The following EXOSC10 variants were observed in gnomAD, a reference collection of about 807,000 sequenced individuals.
EXOSC10 encodes the protein exosome component 10, also known as exosome complex component 10.
A neutral mutation model predicts 126.6 loss-of-function variants in EXOSC10; 94 were observed. The observed-to-expected ratio is 0.74, with a 90% CI of 0.63 to 0.88. The LOEUF (loss-of-function observed/expected upper bound fraction) is 0.88, where lower values mean the gene tolerates loss of function less well. EXOSC10 is among the 40% of genes least tolerant of loss of function. The pLI, the probability that EXOSC10 is intolerant of heterozygous loss-of-function variation, is 0.00. For synonymous variants in EXOSC10, 395 were observed against 400.8 expected, an observed-to-expected ratio of 0.99 and a Z score of 0.17; for missense variants, 1,041 against 1,100.5, an observed-to-expected ratio of 0.95 and a Z score of 0.77.
intron 10 of EXOSC10, among the ~76,000 whole-genome samples, chr1:11,081,859 G>A (rs1640184069): frequency 6.6e-6 from 1 of 152,016 alleles, no homozygotes; most frequent in South Asian, 2.1e-4. Context: ...GAGGCGGGAG[G>A]ATCACCTGAG....
Position 11,081,117 on chromosome 1 carries a change from C to T in EXOSC10, c.1402G>A (p.Val468Met). Residue 468 changes from valine to methionine, a missense_variant, in exon 11 of 25, where the codon GTG becomes ATG. Physicochemically the swap from Val to Met is conservative, Grantham distance 21 (BLOSUM62 1). This residue lies in a region of EXOSC10 where 645 missense variants were observed against 656.3 expected (regional missense o/e 0.98). Transcript: ENST00000376936. The stretch of plus-strand genomic sequence containing the variant: ...ATGTCCCTGCTCCGTTGCCACACCA[C>T]CTGCAGCTGCACCGGCTGCCCGTTG... ...RGNGQPVQLQ[V>M]VWQRSRDICL... The T allele has an allele frequency of 6.2e-7, 1 of 1,614,224 alleles. No homozygotes were observed. Among genetic ancestry groups the T allele is most frequent in the Non-Finnish European group, 8.5e-7 (1 of 1,180,042 alleles).
intron 15 of EXOSC10, 47 bp downstream of exon 15, chr1:11,077,554 A>C (rs756457029): frequency 1.2e-6 from 2 of 1,612,146 alleles, no homozygotes; most frequent in African/African-American, 1.3e-5. Flanking sequence ...ACTGGCTGTG[A>C]CTTGACGTTT....
In EXOSC10 at chr1:11,087,841, C is replaced by G. The variant is rs767909976; in HGVS notation, c.904G>C (p.Glu302Gln). The change falls in exon 8 of 25, where the codon GAA becomes CAA. Residue 302 changes from glutamate to glutamine, a missense_variant. Physicochemically the swap from Glu to Gln is conservative, Grantham distance 29. Coordinates refer to ENST00000376936, the MANE Select transcript of EXOSC10 (RefSeq NM_001001998.3). ...AATTCCTGACAATTCAAGAGCTTTT[C>G]GTTGAGTTCCACGAGTTCATCCAGG... ...SSLDELVELN[E>Q]KLLNCQEFAV... is the part of the protein sequence containing the mutation. 29 of 1,613,866 alleles carry G rather than the reference C, an allele frequency of 1.8e-5. No individual in the cohort carries two copies. In the East Asian group the frequency reaches 6.5e-4, roughly 36 times the overall value.
chr1:11,084,571 G>A (rs935813428), intron 9 of EXOSC10, among the ~76,000 whole-genome samples: 39 of 152,102 alleles, frequency 2.6e-4, no homozygotes, highest in Admixed American at 9.2e-4. Context: ...CCATTTTGTG[G>A]GTTGCCTGTT....
In EXOSC10 at chr1:11,080,528, CAT is replaced by C; in HGVS notation, c.1606_1607del (p.Met536AspfsTer6). On this transcript the variant is annotated frameshift_variant, in exon 13 of 25. Coordinates refer to ENST00000376936, the MANE Select transcript of EXOSC10 (RefSeq NM_001001998.3). LOFTEE classifies it high-confidence loss of function. ...GCAGTTCTTCAGCTATTTTCAGCATCATGTGGTTTGGCAGTACATATCTGGAA... is the reference window on the plus strand; with the variant it reads ...GCAGTTCTTCAGCTATTTTCAGCATCGTGGTTTGGCAGTACATATCTGGAA... ...ESYGYVLPNHMMLKIAEELPK... is the reference protein window; with the variant it reads ...ESYGYVLPNHXMLKIAEELPK... The C allele has an allele frequency of 5.0e-6, 8 of 1,598,712 alleles. No homozygotes were observed. The highest frequency in any genetic ancestry group is 6.8e-6 in the Non-Finnish European group (8 of 1,169,164).
In EXOSC10 at chr1:11,091,078, AT is replaced by A. The variant is rs1557715843; in HGVS notation, c.578del (p.Asn193IlefsTer70). 6.2e-7 allele frequency: 1 copy of A among 1,614,212 alleles called. No individual in the cohort carries two copies. The highest frequency in any genetic ancestry group is 1.1e-5 in the South Asian group (1 of 91,084). On this transcript the variant is annotated frameshift_variant, in exon 5 of 25. Transcript: ENST00000376936. LOFTEE classifies it high-confidence loss of function. ...TTTTAGGAAGAAATGGTGTGTTGGA[AT>A]TGTCAATCTTCTCTCGAAACTTGAG... ...PQLKFREKID[N>X]SNTPFLPKIF...
rs1349960603 is a variant in EXOSC10, at chr1:11,068,703, T to C, written c.2492A>G (p.Asn831Ser). 3 of 1,613,906 alleles carry C rather than the reference T, an allele frequency of 1.9e-6. No homozygotes were observed. Among genetic ancestry groups the C allele is most frequent in the Non-Finnish European group, 2.5e-6 (3 of 1,179,884 alleles). ...SQSDFKAFAGNSKSKVSSQFD... is the reference protein window; with the variant it reads ...SQSDFKAFAGSSKSKVSSQFD... ...CTGAGAAGAAACTTTGGATTTGCTG[T>C]TTCCTGAAAGGTAAGAGATGAGAGA... The change falls in exon 23 of 25, where the codon AAC (asparagine) becomes AGC (serine). Residue 831 changes from asparagine (N) to serine (S), a missense_variant. Transcript: ENST00000376936.
chr1:11,074,682 G>T (rs1351275603), intron 17 of EXOSC10, among the ~76,000 whole-genome samples: 1 of 152,084 alleles, frequency 6.6e-6, no homozygotes. Context: ...CAAAGTGCTG[G>T]GATTACAGGT....
intron 2 of EXOSC10, among the ~76,000 whole-genome samples, chr1:11,096,346 T>C (rs1641086282): frequency 6.6e-6 from 1 of 152,152 alleles, no homozygotes; most frequent in African/African-American, 2.4e-5. Flanking sequence ...AGATGACGTT[T>C]CACCACGTTG....
At chr1:11,075,466 G>A (rs1639757471) in intron 17 of EXOSC10, among the ~76,000 whole-genome samples, 1 of 152,128 alleles carries the variant, frequency 6.6e-6, no homozygotes, top group Non-Finnish European at 1.5e-5. Flanking sequence ...GGAGACCACA[G>A]CCTCCTTTAC....
At position 11,093,658 on chromosome 1, in the gene EXOSC10, T is replaced by A. The variant is rs747740862; in HGVS notation, c.373-2061A>T. On this transcript the variant is annotated intron_variant, in intron 3 of 24. Coordinates refer to ENST00000376936, the MANE Select transcript of EXOSC10 (RefSeq NM_001001998.3). ...AGTAAGCAAGACAGAATAATACACA[T>A]CTCCTTCCAATCCTGTGAGCTGGAG... is the stretch of plus-strand genomic sequence containing the variant. Among the ~76,000 whole-genome samples the A allele has an allele frequency of 2.0e-5, 3 of 152,122 alleles. No homozygotes were observed. In the East Asian group the frequency reaches 5.8e-4, roughly 29 times the overall value.
intron 19 of EXOSC10, chr1:11,072,915 T>C (rs1570794025): frequency 6.6e-6 from 1 of 152,208 alleles, no homozygotes; most frequent in Non-Finnish European, 1.5e-5. Flanking sequence ...AGGGGAGGTG[T>C]GCTCTCATTC....
chr1:11,081,273 C>T, intron 10 of EXOSC10, 35 bp from the exon 11 acceptor site: 2 of 1,606,864 alleles, frequency 1.2e-6, no homozygotes, highest in Non-Finnish European at 1.7e-6. Context: ...TACTGATTGC[C>T]CCCAAGGACA....
At chr1:11,093,969 A>C (rs1331209873) in intron 3 of EXOSC10, among the ~76,000 whole-genome samples, 1 of 152,122 alleles carries the variant, frequency 6.6e-6, no homozygotes. Flanking sequence ...AGTCCCAGCT[A>C]CTTGGGAGGC....
intron 24 of EXOSC10, among the ~76,000 whole-genome samples, 159 bp from the exon 25 acceptor site, chr1:11,066,907 T>A (rs1174283437): frequency 3.3e-5 from 5 of 152,366 alleles, no homozygotes; most frequent in Middle Eastern, 3.4e-3. Flanking sequence ...TTGGCTGAGC[T>A]GAGCAGCATC....
In EXOSC10 at chr1:11,076,932, C is replaced by T. The variant is rs950824946; in HGVS notation, c.1896G>A (p.Gln632=). 1.2e-6 allele frequency: 2 copies of T among 1,613,582 alleles called. No individual in the cohort carries two copies. The highest frequency in any genetic ancestry group is 1.7e-5 in the Admixed American group (1 of 59,998). Residue 632 remains glutamine, a synonymous_variant, in exon 17 of 25, where the codon CAG becomes CAA. Transcript: ENST00000376936. Reference sequence around the variant, plus strand: ...CATCAGGGAAGAGGCTCGCCTGCTTCTGAACTGGCACAGATCCTAGAGGAG... The same window carrying T: ...CATCAGGGAAGAGGCTCGCCTGCTTTTGAACTGGCACAGATCCTAGAGGAG... ...IIPTSGSVPV[Q]KQASLFPDEK...
chr1:11,094,018 T>G (rs1557718934), intron 3 of EXOSC10, among the ~76,000 whole-genome samples: 1 of 152,174 alleles, frequency 6.6e-6, no homozygotes, highest in East Asian at 1.9e-4. Flanking sequence ...AGTTCAAGGT[T>G]GCAGTGAGTT....
intron 12 of EXOSC10, 91 bp from the exon 13 acceptor site, chr1:11,080,640 A>G (rs1384910891): frequency 1.9e-6 from 3 of 1,604,386 alleles, no homozygotes; most frequent in Non-Finnish European, 2.5e-6. Context: ...AGTAAGTTCC[A>G]TTAGATGCTG....
chr1:11,068,074 G>T lies in EXOSC10; in HGVS notation c.2561C>A (p.Ala854Glu). The change falls in exon 24 of 25, where the codon GCA becomes GAA. Residue 854 changes from alanine (A) to glutamate (E), a missense_variant. Ala to Glu is a moderately radical substitution (Grantham distance 107). Around this residue, in one of 3 missense-constraint regions of EXOSC10, gnomAD observed 388 missense variants for 415.2 expected, o/e 0.93. Coordinates refer to ENST00000376936, the MANE Select transcript of EXOSC10 (RefSeq NM_001001998.3). Reference protein sequence around the residue: ...KQTPSGKKCIAAKKIKQSVGN... With the variant: ...KQTPSGKKCIEAKKIKQSVGN... ...CACCGACTGTTTAATTTTTTTGGCT[G>T]CAATGCATTTCTGAAAAGAAAAGAA... 2 of 1,614,022 alleles carry T rather than the reference G, an allele frequency of 1.2e-6. No individual in the cohort carries two copies. Among genetic ancestry groups the T allele is most frequent in the Non-Finnish European group, 8.5e-7 (1 of 1,179,944 alleles).
Sources: allele counts gnomAD v4.1 joint callset (sites outside exome capture counted in the v4.1 genomes callset), GRCh38; gene constraint gnomAD v4.1.1; regional missense constraint gnomAD v4.1.1; transcripts MANE v1.5; gene names NCBI Gene and HGNC (gene_info 2026-07-23, HGNC 2026-07-21).